The following ROCK1 variants were observed in gnomAD, a reference collection of about 807,000 sequenced individuals.
ROCK1 encodes the protein rho-associated protein kinase 1.
ROCK1 carries 36 observed loss-of-function variants against 196.8 expected under a neutral mutation model. The observed-to-expected ratio is 0.18, with a 90% CI of 0.14 to 0.24. The LOEUF (loss-of-function observed/expected upper bound fraction) is 0.24, where lower values mean the gene tolerates loss of function less well. ROCK1 is among the 10% of genes least tolerant of loss of function. The probability of loss-of-function intolerance (pLI) is 1.00; values close to 1 mark genes in which losing one functional copy is unlikely to be tolerated. For synonymous variants in ROCK1, 443 were observed against 515.9 expected (o/e 0.86, Z 1.91); for missense variants, 920 against 1,562.0 (o/e 0.59, Z 6.93).
intron 10 of ROCK1, among the ~76,000 whole-genome samples, chr18:21,026,474 T>C (rs898676672): frequency 4.8e-4 from 54 of 111,434 alleles, no homozygotes; most frequent in African/African-American, 1.9e-3. Context: ...AAAAAAAGAA[T>C]GCTTCAGCAA....
At position 20,982,452 on chromosome 18, in the gene ROCK1, A is replaced by G. The variant is rs368989465; in HGVS notation, c.2559+311T>C. ...TTTGTAGTAGAGACGGGGTTTCACC[A>G]TGTTGGCCAGGCTGGTCTTGAACTC... On this transcript the variant is annotated intron_variant, in intron 21 of 32. Coordinates refer to ENST00000399799, the MANE Select transcript of ROCK1 (RefSeq NM_005406.3). 1.3e-4 allele frequency among the ~76,000 whole-genome samples: 20 copies of G among 152,250 alleles called. No homozygotes were observed. In the East Asian group the frequency reaches 2.3e-3, roughly 18 times the overall value.
At chr18:20,963,872 G>A (rs1273627047) in intron 27 of ROCK1, among the ~76,000 whole-genome samples, 3 of 152,114 alleles carry the variant, frequency 2.0e-5, no homozygotes, top group Admixed American at 6.5e-5. Context: ...AAAGAATTAA[G>A]AGAATGAAGG....
intron 2 of ROCK1, among the ~76,000 whole-genome samples, chr18:21,060,225 T>TA (rs1194562962): frequency 4.6e-5 from 7 of 152,216 alleles, no homozygotes; most frequent in East Asian, 1.9e-4. Context: ...AAAGTTGCTT[T>TA]AAAAAATCAA....
intron 9 of ROCK1, among the ~76,000 whole-genome samples, chr18:21,036,538 G>A (rs2036058879): frequency 6.6e-6 from 1 of 152,092 alleles, no homozygotes; most frequent in South Asian, 2.1e-4. Context: ...TTGAACTCCT[G>A]GGCTCAGGTG....
chr18:20,975,965 C>T (rs2035476740), intron 22 of ROCK1, among the ~76,000 whole-genome samples: 1 of 152,324 alleles, frequency 6.6e-6, no homozygotes, highest in South Asian at 2.1e-4. Flanking sequence ...CTTACCCCAG[C>T]TTTTGTGATA....
intron 20 of ROCK1, among the ~76,000 whole-genome samples, chr18:20,984,138 T>C (rs1268383437): frequency 6.6e-6 from 1 of 152,204 alleles, no homozygotes; most frequent in African/African-American, 2.4e-5. Context: ...ATGACTTTTG[T>C]GGACATGAAA....
intron 18 of ROCK1, 50 bp downstream of exon 18, chr18:20,991,126 T>C (rs1250977063): frequency 1.3e-6 from 2 of 1,512,444 alleles, no homozygotes; most frequent in Non-Finnish European, 1.8e-6. Flanking sequence ...AAATTTTTTC[T>C]AGTCACTATT....
Position 21,111,103 on chromosome 18 carries a change from C to G in ROCK1, c.-193G>C. ...TCTCCAGACCCCGGGCCGGGGGCAA[C>G]AGCGACCCACAGCCGCTCGGACGCC... On this transcript the variant is annotated 5_prime_UTR_variant, in exon 1 of 33. Coordinates refer to ENST00000399799, the MANE Select transcript of ROCK1 (RefSeq NM_005406.3). The surrounding 1 kb of genome is among the most constrained non-coding windows in gnomAD (Gnocchi z 4.2). 1 of 584,786 alleles carries G rather than the reference C, an allele frequency of 1.7e-6. No individual in the cohort carries two copies. Among genetic ancestry groups the G allele is most frequent in the Non-Finnish European group, 3.0e-6 (1 of 330,502 alleles). The allele number at this position is 584,786 out of a possible 1,614,324, so 36.2% of individuals were successfully genotyped here. A position where few individuals can be genotyped will look rare whatever the true frequency, so the allele number is the denominator to read the frequency against.
At chr18:20,959,132 A>ATATATTATATAATATATATAT (rs2035296428) in intron 29 of ROCK1, among the ~76,000 whole-genome samples, 2 of 52,174 alleles carry the variant, frequency 3.8e-5, no homozygotes, top group Admixed American at 4.1e-4. Context: ...TATATATATT[A>ATATATTATATAATATATATAT]TATATATTAT....
chr18:20,992,582 A>G (rs2035635926), intron 17 of ROCK1, among the ~76,000 whole-genome samples: 1 of 152,216 alleles, frequency 6.6e-6, no homozygotes, highest in Non-Finnish European at 1.5e-5. Flanking sequence ...TTCCAAACCA[A>G]AGGAATCTGT....
rs146645168 is a variant in ROCK1 at position 20,988,078 on chromosome 18, T to G, written c.2144-968A>C. On this transcript the variant is annotated intron_variant, in intron 18 of 32. Coordinates refer to ENST00000399799, the MANE Select transcript of ROCK1 (RefSeq NM_005406.3). ...GTTAGACTCAGTCTTTTTTTTTTCT[T>G]TTTTTGAGATGGTGTCTCGCTCTGT... 7.2e-5 allele frequency among the ~76,000 whole-genome samples: 11 copies of G among 152,278 alleles called. No individual in the cohort carries two copies. The East Asian group carries it at 2.1e-3, about 29-fold the overall frequency.
chr18:20,991,058 C>T (rs2035621038), intron 18 of ROCK1, 118 bp downstream of exon 18: 1 of 775,888 alleles, frequency 1.3e-6, no homozygotes, highest in South Asian at 1.9e-5. Context: ...CTGTGCCAGG[C>T]CTATAATTTA....
intron 3 of ROCK1, 85 bp from the exon 4 acceptor site, chr18:21,049,314 TAATACTTGCTAAATAA>T: frequency 9.9e-7 from 1 of 1,005,864 alleles, no homozygotes; most frequent in Non-Finnish European, 1.4e-6. Flanking sequence ...TAAGTGCTTT[TAATACTTGCTAAATAA>T]TTTAGCCTTA....
intron 25 of ROCK1, 44 bp from the exon 26 acceptor site, chr18:20,967,984 A>G: frequency 1.5e-6 from 2 of 1,325,318 alleles, no homozygotes; most frequent in Non-Finnish European, 2.0e-6. Flanking sequence ...TAGTCATCCA[A>G]TTTAATACTA....
chr18:20,970,688 CAT>C (rs756819423), intron 22 of ROCK1, among the ~76,000 whole-genome samples, 175 bp from the exon 23 acceptor site: 2 of 152,206 alleles, frequency 1.3e-5, no homozygotes, highest in Non-Finnish European at 1.5e-5. Context: ...TAACCTCTCA[CAT>C]GTTGAAAAAT....
intron 2 of ROCK1, among the ~76,000 whole-genome samples, chr18:21,057,768 C>T (rs1414509177): frequency 6.6e-6 from 1 of 152,048 alleles, no homozygotes; most frequent in African/African-American, 2.4e-5. Context: ...TTGCAGTAAG[C>T]CGAGTTTGGG....
intron 22 of ROCK1, among the ~76,000 whole-genome samples, chr18:20,976,559 A>G (rs1306570719): frequency 6.6e-6 from 1 of 152,226 alleles, no homozygotes; most frequent in Non-Finnish European, 1.5e-5. Context: ...CTTACAACTT[A>G]CATTAACGAA....
intron 1 of ROCK1, among the ~76,000 whole-genome samples, chr18:21,081,775 T>C (rs1184225074): frequency 6.6e-6 from 1 of 152,154 alleles, no homozygotes; most frequent in Non-Finnish European, 1.5e-5. Context: ...GACAAATTCC[T>C]AGAAGCATAC....
At chr18:20,970,609 A>G (rs2035416910) in intron 22 of ROCK1, 96 bp from the exon 23 acceptor site, 5 of 786,458 alleles carry the variant, frequency 6.4e-6, no homozygotes, top group East Asian at 2.7e-5. Context: ...TTTAAATGAT[A>G]AAAAGAATTA....
Sources: allele counts gnomAD v4.1 joint callset (sites outside exome capture counted in the v4.1 genomes callset), GRCh38; gene constraint gnomAD v4.1.1; non-coding constraint Gnocchi (gnomAD v3.1); transcripts MANE v1.5; gene names NCBI Gene and HGNC (gene_info 2026-07-23, HGNC 2026-07-21).